LPA: variants seen among roughly 807,000 people sequenced by gnomAD.
The protein encoded by LPA is lipoprotein(a), also known as apolipoprotein(a).
LPA carries 199 observed loss-of-function variants against 197.9 expected under a neutral mutation model. The observed-to-expected ratio is 1.01, with a 90% CI of 0.90 to 1.13. LPA has a LOEUF of 1.13. Ranked by LOEUF, LPA falls within the 50% of genes most tolerant of loss-of-function variation. The pLI is 0.00. For missense variants in LPA, 1,853 were observed against 1,785.8 expected (o/e 1.04, Z -0.68); for synonymous variants, 715 against 639.5 (o/e 1.12, Z -1.78).
Position 160,542,734 on chromosome 6 carries a change from C to T in LPA, c.5473G>A (p.Val1825Met), listed in dbSNP as rs1778001425. 10 of 1,614,024 alleles carry T rather than the reference C, an allele frequency of 6.2e-6. No homozygotes were observed. Among genetic ancestry groups the T allele is most frequent in the Non-Finnish European group, 8.5e-6 (10 of 1,179,988 alleles). ...CAGGGCCAGGAATGTGGGTGGGCCA[C>T]ACACCCCCCTACAATGCTTCCAGGA... ...KCPGSIVGGCVAHPHSWPWQV... is the reference protein window; with the variant it reads ...KCPGSIVGGCMAHPHSWPWQV... Residue 1825 changes from valine to methionine, a missense_variant, in exon 34 of 39, where the codon GTG (valine) becomes ATG (methionine). Val to Met is a conservative substitution (Grantham distance 21). This residue lies in a region of LPA where 1,737 missense variants were observed against 1,504.4 expected (regional missense o/e 1.15). Coordinates refer to ENST00000316300, the MANE Select transcript of LPA (RefSeq NM_005577.4).
chr6:160,659,192 T>C (rs952081493), intron 1 of LPA, among the ~76,000 whole-genome samples: 2 of 152,172 alleles, frequency 1.3e-5, no homozygotes, highest in Non-Finnish European at 1.5e-5. Flanking sequence ...GCCAGCTTTA[T>C]ATTCTGGCTC....
At chr6:160,661,479 C>G (rs1394453277) in intron 1 of LPA, among the ~76,000 whole-genome samples, 5 of 152,160 alleles carry the variant, frequency 3.3e-5, no homozygotes, top group East Asian at 1.9e-4. Context: ...TTCTCATTCT[C>G]AGAAAGGCCT....
chr6:160,603,541 T>C (rs1779286213), intron 18 of LPA, among the ~76,000 whole-genome samples: 1 of 152,214 alleles, frequency 6.6e-6, no homozygotes, highest in African/African-American at 2.4e-5. Flanking sequence ...AACCTAAAAC[T>C]CAGTTGACAT....
intron 1 of LPA, among the ~76,000 whole-genome samples, chr6:160,655,151 G>A (rs1429976370): frequency 6.6e-6 from 1 of 152,188 alleles, no homozygotes; most frequent in Non-Finnish European, 1.5e-5. Context: ...TTCATGATAG[G>A]CAGGTTCAGG....
intron 4 of LPA, among the ~76,000 whole-genome samples, chr6:160,641,092 T>C (rs1180252083): frequency 7.3e-6 from 1 of 137,668 alleles, no homozygotes; most frequent in Non-Finnish European, 1.6e-5. Context: ...AAACGCTTCT[T>C]AGAAACACTG....
chr6:160,610,232 G>A (rs952712271), intron 16 of LPA, among the ~76,000 whole-genome samples: 1 of 152,108 alleles, frequency 6.6e-6, no homozygotes, highest in African/African-American at 2.4e-5. Context: ...TGAGGCAATT[G>A]ACTTTGTTGT....
intron 2 of LPA, among the ~76,000 whole-genome samples, chr6:160,646,681 T>A (rs1779886094): frequency 7.5e-6 from 1 of 133,456 alleles, no homozygotes; most frequent in Non-Finnish European, 1.6e-5. Context: ...CGAAAAACGA[T>A]CAGAGTATTC....
chr6:160,562,628 G>C (rs1485795433), intron 28 of LPA, among the ~76,000 whole-genome samples: 1 of 152,224 alleles, frequency 6.6e-6, no homozygotes, highest in Non-Finnish European at 1.5e-5. Flanking sequence ...GTGTGGAATA[G>C]TTTCAGAAGG....
In LPA at chr6:160,586,536, G is replaced by A; in HGVS notation, c.4042C>T (p.Leu1348=). The part of the protein sequence containing the change: ...DPSVRWEYCN[L]TQCPVMESTL... ...GATTCCATCACTGGACATTGCGTCA[G>A]GTTGCAGTACTCCCATCTGACACTG... Residue 1348 remains leucine (L), a synonymous_variant, in exon 25 of 39, where the codon CTG becomes TTG. Coordinates refer to ENST00000316300, the MANE Select transcript of LPA (RefSeq NM_005577.4). 1.9e-6 allele frequency: 3 copies of A among 1,613,802 alleles called. No individual in the cohort carries two copies. Among genetic ancestry groups the A allele is most frequent in the Non-Finnish European group, 2.5e-6 (3 of 1,179,796 alleles).
chr6:160,539,158 A>G lies in LPA; in HGVS notation c.5735+885T>C, dbSNP rs558059457. 1.1e-4 allele frequency among the ~76,000 whole-genome samples: 16 copies of G among 152,178 alleles called. No homozygotes were observed. The South Asian group carries it at 3.3e-3, about 32-fold the overall frequency. On this transcript the variant is annotated intron_variant, in intron 36 of 38. Coordinates refer to ENST00000316300, the MANE Select transcript of LPA (RefSeq NM_005577.4). Reference sequence around the variant, plus strand: ...CTCCTGCCTGCCCCATGCCTTCCCAACCAGGCCATGCTCATCCCTGTCTGC... The same window carrying G: ...CTCCTGCCTGCCCCATGCCTTCCCAGCCAGGCCATGCTCATCCCTGTCTGC...
chr6:160,543,856 T>C (rs142978601), intron 33 of LPA, among the ~76,000 whole-genome samples: 1 of 152,342 alleles, frequency 6.6e-6, no homozygotes, highest in East Asian at 1.9e-4. Context: ...TTCTCAATCA[T>C]GAGTCAAACC....
In LPA at chr6:160,577,248, C is replaced by T. The variant is rs1189595971; in HGVS notation, c.4519G>A (p.Gly1507Arg). The T allele has an allele frequency of 1.2e-6, 2 of 1,613,852 alleles. No individual in the cohort carries two copies. The highest frequency in any genetic ancestry group is 1.7e-6 in the Non-Finnish European group (2 of 1,179,836). Reference sequence around the variant, plus strand: ...GAGGATATGCCTCGATAACTCCGTCCATCACCATGGTAGCAATCCTGGACC... The same window carrying T: ...GAGGATATGCCTCGATAACTCCGTCTATCACCATGGTAGCAATCCTGGACC... ...PVVQDCYHGD[G>R]RSYRGISSTT... Residue 1507 changes from glycine (G) to arginine (R), a missense_variant, in exon 28 of 39, where the codon GGA becomes AGA. Physicochemically the swap from Gly to Arg is moderately radical, Grantham distance 125. Coordinates refer to ENST00000316300, the MANE Select transcript of LPA (RefSeq NM_005577.4).
rs1211789671 is a variant in LPA at position 160,591,631 on chromosome 6, A to G, written c.3630-530T>C. On this transcript the variant is annotated intron_variant, in intron 22 of 38. Coordinates refer to ENST00000316300, the MANE Select transcript of LPA (RefSeq NM_005577.4). ...TTGATATCTTCTTGTCAGCTTTCAG[A>G]CCTGGAGTATGGTATAGCAATGGCT... is the stretch of plus-strand genomic sequence containing the variant. Among the ~76,000 whole-genome samples, 16 of 152,274 alleles carry G rather than the reference A, an allele frequency of 1.1e-4. No individual in the cohort carries two copies. In the South Asian group the frequency reaches 2.9e-3, roughly 28 times the overall value.
rs541061327 is a variant in LPA at position 160,660,030 on chromosome 6, AT to A, written c.49+4135del. On this transcript the variant is annotated intron_variant, in intron 1 of 38. Transcript: ENST00000316300. Reference sequence around the variant, plus strand: ...GAGGTTTGCAGTGATACTAAAGACAATATTGCAAATCATTATTAAGAATACA... The same window carrying A: ...GAGGTTTGCAGTGATACTAAAGACAAATTGCAAATCATTATTAAGAATACA... 1.6e-3 allele frequency among the ~76,000 whole-genome samples: 243 copies of A among 152,378 alleles called. 1 individual carries two copies. The highest frequency in any genetic ancestry group is 5.8e-3 in the African/African-American group (241 of 41,588).
At chr6:160,573,791 C>A (rs1423173099) in intron 28 of LPA, among the ~76,000 whole-genome samples, 1 of 152,148 alleles carries the variant, frequency 6.6e-6, no homozygotes, top group South Asian at 2.1e-4. Context: ...ATGGGTCTCT[C>A]AGCTGTGGAT....
chr6:160,604,970 C>T, intron 18 of LPA, 76 bp downstream of exon 18: 1 of 1,596,948 alleles, frequency 6.3e-7, no homozygotes, highest in Non-Finnish European at 8.6e-7. Context: ...CCTGAACACT[C>T]AGCTTGAAGC....
At chr6:160,579,383 A>C (rs1583593077) in intron 26 of LPA, among the ~76,000 whole-genome samples, 1 of 152,316 alleles carries the variant, frequency 6.6e-6, no homozygotes, top group East Asian at 1.9e-4. Flanking sequence ...CTGCTTCTCT[A>C]GGATGGGTTC....
intron 30 of LPA, among the ~76,000 whole-genome samples, chr6:160,555,649 T>C (rs944134407): frequency 4.6e-5 from 7 of 151,764 alleles, no homozygotes; most frequent in African/African-American, 1.7e-4. Context: ...ATGACAAAAA[T>C]GGCAAAAAGC....
intron 1 of LPA, among the ~76,000 whole-genome samples, chr6:160,658,624 C>T (rs1288969694): frequency 6.6e-6 from 1 of 152,164 alleles, no homozygotes. Flanking sequence ...AGTGATGAAT[C>T]AGTAGTGTCA....
Sources: allele counts gnomAD v4.1 joint callset (sites outside exome capture counted in the v4.1 genomes callset), GRCh38; gene constraint gnomAD v4.1.1; regional missense constraint gnomAD v4.1.1; transcripts MANE v1.5; gene names NCBI Gene and HGNC (gene_info 2026-07-23, HGNC 2026-07-21).